The following SLC24A2 variants were observed in gnomAD, a reference collection of about 807,000 sequenced individuals.
SLC24A2 encodes sodium/potassium/calcium exchanger 2.
SLC24A2 carries 36 observed loss-of-function variants against 62.0 expected under a neutral mutation model. The observed-to-expected ratio is 0.58, with a 90% confidence interval of 0.44 to 0.77. SLC24A2 has a LOEUF of 0.77. Ranked by LOEUF, SLC24A2 falls within the 30% of genes least tolerant of loss-of-function variation. The pLI is 0.00. For synonymous variants in SLC24A2, 358 were observed against 294.0 expected (o/e 1.22, Z -2.23); for missense variants, 846 against 817.9 (o/e 1.03, Z -0.42).
the SLC24A2 span, among the ~76,000 whole-genome samples, chr9:20,210,172 C>A: frequency 0.98 from 149,422 of 152,216 alleles, 73,400 homozygotes; most frequent in South Asian, 1. Context: ...AAAAGACCTG[C>A]TGTGGTTTTC....
the SLC24A2 span, among the ~76,000 whole-genome samples, chr9:20,181,014 C>T: frequency 6.6e-6 from 1 of 152,098 alleles, no homozygotes; most frequent in Admixed American, 6.6e-5. Context: ...CCTCCTGCCA[C>T]CTTCAGCACA....
chr9:19,980,331 C>T, the SLC24A2 span, among the ~76,000 whole-genome samples: 1 of 152,192 alleles, frequency 6.6e-6, no homozygotes, highest in African/African-American at 2.4e-5. Flanking sequence ...GCAAGCAGGG[C>T]ATTTTAGGTT....
the SLC24A2 span, among the ~76,000 whole-genome samples, chr9:20,137,957 C>T: frequency 1.3e-5 from 2 of 152,112 alleles, no homozygotes; most frequent in African/African-American, 2.4e-5. Flanking sequence ...AGTACTAAGA[C>T]GATCCAAGAA....
chr9:19,704,486 A>C (rs1296140400), intron 2 of SLC24A2, among the ~76,000 whole-genome samples: 4 of 152,192 alleles, frequency 2.6e-5, no homozygotes, highest in Admixed American at 2.6e-4. Flanking sequence ...AAATTATTTA[A>C]ATTTTTTTCC....
chr9:19,800,075 A>G, the SLC24A2 span, among the ~76,000 whole-genome samples: 59 of 152,064 alleles, frequency 3.9e-4, 1 homozygote, highest in African/African-American at 1.3e-3. Context: ...TTTTCTGTGT[A>G]TCTCTCTCTA....
the SLC24A2 span, among the ~76,000 whole-genome samples, chr9:20,109,450 GA>G: frequency 4.3e-4 from 66 of 152,262 alleles, 1 homozygote; most frequent in South Asian, 0.013. Flanking sequence ...GGCTTATGCC[GA>G]ATACTTGCTT....
At chr9:20,296,300 A>G in the SLC24A2 span, among the ~76,000 whole-genome samples, 1 of 152,252 alleles carries the variant, frequency 6.6e-6, no homozygotes, top group Non-Finnish European at 1.5e-5. Flanking sequence ...AAATTATTCT[A>G]TTGTATACAA....
At chr9:19,665,405 T>C (rs1258292813) in intron 2 of SLC24A2, among the ~76,000 whole-genome samples, 1 of 152,098 alleles carries the variant, frequency 6.6e-6, no homozygotes, top group African/African-American at 2.4e-5. Context: ...CTCAGGTTTC[T>C]GGCCTGGGTA....
the SLC24A2 span, among the ~76,000 whole-genome samples, chr9:19,936,934 G>C: frequency 1.3e-5 from 2 of 152,162 alleles, no homozygotes; most frequent in African/African-American, 4.8e-5. Flanking sequence ...GAGAGGTAGA[G>C]GCTGCTGCTT....
the SLC24A2 span, among the ~76,000 whole-genome samples, chr9:20,058,964 A>G: frequency 3.9e-5 from 6 of 152,154 alleles, no homozygotes; most frequent in East Asian, 1.9e-4. Context: ...TCTTCTCCCT[A>G]TTTCTGAGTT....
chr9:20,062,571 A>G, the SLC24A2 span, among the ~76,000 whole-genome samples: 1 of 143,062 alleles, frequency 7.0e-6, no homozygotes, highest in Non-Finnish European at 1.5e-5. Flanking sequence ...CATTCAGGAC[A>G]TAGGCATGGG....
chr9:19,849,246 C>T, the SLC24A2 span, among the ~76,000 whole-genome samples: 1 of 152,166 alleles, frequency 6.6e-6, no homozygotes, highest in African/African-American at 2.4e-5. Context: ...GGCCAAATTA[C>T]TCTTAAGAAA....
chr9:19,639,087 G>A (rs973573604), intron 2 of SLC24A2, among the ~76,000 whole-genome samples: 4 of 149,686 alleles, frequency 2.7e-5, no homozygotes, highest in East Asian at 2.0e-4. Context: ...TCAAATGATC[G>A]CTATTCTGCA....
At chr9:20,274,174 C>T in the SLC24A2 span, among the ~76,000 whole-genome samples, 14 of 152,034 alleles carry the variant, frequency 9.2e-5, no homozygotes, top group African/African-American at 2.9e-4. Context: ...AGGAGGTAGA[C>T]AATGAACAAA....
the SLC24A2 span, among the ~76,000 whole-genome samples, chr9:20,163,426 G>C: frequency 3.3e-5 from 5 of 151,982 alleles, no homozygotes; most frequent in African/African-American, 4.8e-5. Flanking sequence ...ACTTACAAGG[G>C]ACGTGAAGGA....
the SLC24A2 span, among the ~76,000 whole-genome samples, chr9:20,089,837 C>A: frequency 6.6e-6 from 1 of 151,860 alleles, no homozygotes; most frequent in Non-Finnish European, 1.5e-5. Context: ...AGAGAGGAGA[C>A]CAGTTTCTCC....
chr9:19,542,032 C>G (rs1329715093), intron 8 of SLC24A2, among the ~76,000 whole-genome samples: 1 of 152,340 alleles, frequency 6.6e-6, no homozygotes, highest in African/African-American at 2.4e-5. Flanking sequence ...CTTGCGCTTC[C>G]CAGGTGAGGC....
chr9:20,096,117 GT>G, the SLC24A2 span, among the ~76,000 whole-genome samples: 2 of 150,282 alleles, frequency 1.3e-5, no homozygotes, highest in African/African-American at 4.9e-5. Flanking sequence ...CCGTCCGTCC[GT>G]CCGTCCATCC....
At chr9:19,861,013 C>T in the SLC24A2 span, among the ~76,000 whole-genome samples, 522 of 152,276 alleles carry the variant, frequency 3.4e-3, 1 homozygote, top group African/African-American at 0.012. Context: ...AGGAACTTGA[C>T]GCCCTGAAGG....
Sources: gnomAD v4.1 joint callset for allele counts (sites outside exome capture counted in the v4.1 genomes callset) on GRCh38, gnomAD v4.1.1 for gene constraint, MANE v1.5 for transcripts, NCBI Gene and HGNC (gene_info 2026-07-23, HGNC 2026-07-21) for gene names.